PCDHA7: variants seen among roughly 807,000 people sequenced by gnomAD.
PCDHA7 encodes protocadherin alpha 7, also known as protocadherin alpha-7.
A neutral mutation model predicts 57.2 loss-of-function variants in PCDHA7; 37 were observed. The ratio of observed to expected loss-of-function variants is 0.65; its 90% confidence interval spans 0.50 to 0.85. PCDHA7 has a LOEUF of 0.85. Among genes scored for constraint, PCDHA7 ranks in the 40% least tolerant of loss-of-function variants. The pLI is 0.00. For synonymous variants in PCDHA7, 553 were observed against 558.8 expected (o/e 0.99, Z 0.15); for missense variants, 1,188 against 1,241.8 (o/e 0.96, Z 0.65).
At chr5:140,937,769 G>A (rs908179495) in intron 1 of PCDHA7, among the ~76,000 whole-genome samples, 44 of 151,776 alleles carry the variant, frequency 2.9e-4, no homozygotes, top group African/African-American at 9.4e-4. Context: ...AAAATTAGTC[G>A]GGCGTGGTGG....
chr5:140,953,809 G>A (rs1244835717), intron 1 of PCDHA7, among the ~76,000 whole-genome samples: 2 of 152,168 alleles, frequency 1.3e-5, no homozygotes, highest in East Asian at 1.9e-4. Context: ...GTTCTGAGGT[G>A]CATGTGCTAG....
chr5:140,985,346 A>G (rs2097147411), intron 3 of PCDHA7, among the ~76,000 whole-genome samples: 1 of 152,186 alleles, frequency 6.6e-6, no homozygotes, highest in African/African-American at 2.4e-5. Flanking sequence ...GCAGGCCCAG[A>G]TATAGACCCT....
chr5:140,967,935 A>G (rs186453952), intron 1 of PCDHA7: 13 of 1,614,214 alleles, frequency 8.1e-6, no homozygotes, highest in South Asian at 4.4e-5. Flanking sequence ...CTCAGTGTCA[A>G]TGACCAAGAC....
chr5:140,877,544 C>T (rs782624202), intron 1 of PCDHA7: 2 of 1,613,794 alleles, frequency 1.2e-6, no homozygotes, highest in Non-Finnish European at 1.7e-6. Context: ...GATCCCGAAG[C>T]GGCTCTGGTG....
In PCDHA7 at chr5:140,850,252, G is replaced by GCGC. The variant is rs2150475866; in HGVS notation, c.2355+13517_2355+13519dup. ...AGCGAGATGGTGCTGCGGTCGGTGG[G>GCGC]CGCCGGCGTAGTGGTGGGGAAGGTG... is the stretch of plus-strand genomic sequence containing the variant. On this transcript the variant is annotated intron_variant, in intron 1 of 3. Coordinates refer to ENST00000525929, the MANE Select transcript of PCDHA7 (RefSeq NM_018910.3). 12 of 1,593,714 alleles carry GCGC rather than the reference G, an allele frequency of 7.5e-6. No homozygotes were observed. The East Asian group carries it at 2.7e-4, about 36-fold the overall frequency.
At chr5:140,882,920 G>C (rs2059362328) in intron 1 of PCDHA7, 1 of 1,614,090 alleles carries the variant, frequency 6.2e-7, no homozygotes. Flanking sequence ...CAGTGATGGA[G>C]GTAAACCCGA....
intron 1 of PCDHA7, chr5:140,930,231 A>C (rs1234850185): frequency 6.6e-6 from 1 of 152,238 alleles, no homozygotes; most frequent in South Asian, 2.1e-4. Context: ...TGCACTTACC[A>C]TCCAAAGTCC....
chr5:140,869,663 A>G (rs782419090), intron 1 of PCDHA7: 5 of 1,613,538 alleles, frequency 3.1e-6, no homozygotes, highest in Non-Finnish European at 4.2e-6. Flanking sequence ...ACAAATGGTA[A>G]GCAGATTAAA....
chr5:140,930,338 A>T (rs2086745230), intron 1 of PCDHA7: 1 of 152,214 alleles, frequency 6.6e-6, no homozygotes, highest in African/African-American at 2.4e-5. Flanking sequence ...AATGAAAGTT[A>T]AGTGATTCAA....
chr5:140,900,437 C>T (rs1284375985), intron 1 of PCDHA7, among the ~76,000 whole-genome samples: 4 of 152,148 alleles, frequency 2.6e-5, no homozygotes, highest in African/African-American at 9.7e-5. Flanking sequence ...GCCACCACGG[C>T]CGGCTAATTT....
At chr5:140,870,436 G>A (rs782478068) in intron 1 of PCDHA7, 7 of 1,614,128 alleles carry the variant, frequency 4.3e-6, no homozygotes, top group Non-Finnish European at 5.9e-6. Context: ...CGTGGAGGTG[G>A]CCGACGTGAA....
chr5:140,877,818 T>G (rs1207543793), intron 1 of PCDHA7: 3 of 1,608,774 alleles, frequency 1.9e-6, no homozygotes, highest in African/African-American at 2.7e-5. Context: ...CTCGAGAAGA[T>G]TGTTTAAATC....
Position 140,880,816 on chromosome 5 carries a change from G to A in PCDHA7, c.2355+44078G>A, listed in dbSNP as rs3806840. On this transcript the variant is annotated intron_variant, in intron 1 of 3. Transcript: ENST00000525929. ...ATAAATAGGTGAATGACTCTAGAGTGTCTGGAAGGGCATATTTTAAATGGT... is the reference window on the plus strand; with the variant it reads ...ATAAATAGGTGAATGACTCTAGAGTATCTGGAAGGGCATATTTTAAATGGT... Among the ~76,000 whole-genome samples the A allele has an allele frequency of 9.8e-5, 15 of 152,318 alleles. No individual in the cohort carries two copies. In the East Asian group the frequency reaches 2.9e-3, roughly 29 times the overall value.
intron 3 of PCDHA7, among the ~76,000 whole-genome samples, chr5:140,996,992 T>A (rs565740982): frequency 3.9e-5 from 6 of 152,324 alleles, no homozygotes; most frequent in African/African-American, 1.4e-4. Flanking sequence ...CAACCACTGT[T>A]AACAATTTTG....
At chr5:140,883,844 G>T (rs1404353270) in intron 1 of PCDHA7, 10 of 1,612,718 alleles carry the variant, frequency 6.2e-6, no homozygotes, top group South Asian at 1.1e-5. Flanking sequence ...GTTGGACCAC[G>T]AGGAGCTGGA....
chr5:140,865,248 G>C (rs2048793700), intron 1 of PCDHA7: 1 of 152,148 alleles, frequency 6.6e-6, no homozygotes, highest in Non-Finnish European at 1.5e-5. Context: ...ATTTATAGCT[G>C]TAAGGATGTG....
At chr5:140,938,705 A>G (rs1554212312) in intron 1 of PCDHA7, among the ~76,000 whole-genome samples, 1 of 152,150 alleles carries the variant, frequency 6.6e-6, no homozygotes, top group African/African-American at 2.4e-5. Context: ...ATATATGTTT[A>G]TGATAGAAAC....
At chr5:140,837,875 A>C (rs2150280386) in intron 1 of PCDHA7, among the ~76,000 whole-genome samples, 2,117 of 151,504 alleles carry the variant, frequency 0.014, 49 homozygotes, top group African/African-American at 0.049. Flanking sequence ...GACAGGGTGG[A>C]GTCTTGTTTC....
At chr5:140,869,598 T>A in intron 1 of PCDHA7, 6 of 1,614,122 alleles carry the variant, frequency 3.7e-6, no homozygotes, top group Non-Finnish European at 5.1e-6. Context: ...TTGAAGAGAA[T>A]GCTCTATTGA....
Sources: gnomAD v4.1 joint callset for allele counts (sites outside exome capture counted in the v4.1 genomes callset) on GRCh38, gnomAD v4.1.1 for gene constraint, MANE v1.5 for transcripts, NCBI Gene and HGNC (gene_info 2026-07-23, HGNC 2026-07-21) for gene names.